Variants in PPP3CA observed in about 807,000 individuals in gnomAD.
The protein encoded by PPP3CA is protein phosphatase 3 catalytic subunit alpha.
In PPP3CA, 14 loss-of-function variants were observed where a neutral mutation model predicts 66.5. The observed-to-expected ratio is 0.21, with a 90% CI of 0.14 to 0.33. PPP3CA has a LOEUF of 0.33. Among genes scored for constraint, PPP3CA ranks in the 10% least tolerant of loss-of-function variants. The pLI is 1.00. For synonymous variants in PPP3CA, 232 were observed against 226.2 expected, an observed-to-expected ratio of 1.03 and a Z score of -0.23; for missense variants, 317 against 639.5, an observed-to-expected ratio of 0.50 and a Z score of 5.44.
At chr4:101,277,808 T>G (rs1403805970) in intron 1 of PPP3CA, among the ~76,000 whole-genome samples, 3 of 152,200 alleles carry the variant, frequency 2.0e-5, no homozygotes, top group Non-Finnish European at 2.9e-5. Flanking sequence ...GTTTTCTACT[T>G]GTCAGTGGTC....
intron 1 of PPP3CA, among the ~76,000 whole-genome samples, chr4:101,278,422 T>G (rs893892670): frequency 6.6e-5 from 10 of 152,042 alleles, no homozygotes; most frequent in African/African-American, 1.9e-4. Flanking sequence ...TCCTCATCAC[T>G]CCCTCTACCA....
intron 1 of PPP3CA, among the ~76,000 whole-genome samples, chr4:101,312,779 T>C (rs1011463506): frequency 1.3e-5 from 2 of 152,168 alleles, no homozygotes; most frequent in African/African-American, 4.8e-5. Context: ...AAATAAAATG[T>C]ATAAAAGACA....
At chr4:101,070,909 T>A (rs1377029123) in intron 8 of PPP3CA, among the ~76,000 whole-genome samples, 1 of 152,234 alleles carries the variant, frequency 6.6e-6, no homozygotes, top group Non-Finnish European at 1.5e-5. Context: ...CTAGCAAATT[T>A]TTTTTTGTTA....
intron 1 of PPP3CA, among the ~76,000 whole-genome samples, chr4:101,259,352 C>A (rs373612490): frequency 2.0e-5 from 3 of 150,912 alleles, no homozygotes; most frequent in Non-Finnish European, 4.4e-5. Context: ...TTCATTCATT[C>A]AGCAAGCAAG....
intron 1 of PPP3CA, among the ~76,000 whole-genome samples, chr4:101,336,037 T>C (rs909993543): frequency 6.7e-6 from 1 of 150,240 alleles, no homozygotes; most frequent in African/African-American, 2.5e-5. Context: ...AAACCCCATC[T>C]CTACTAAAAA....
intron 1 of PPP3CA, among the ~76,000 whole-genome samples, chr4:101,227,868 C>A (rs1366197799): frequency 6.6e-6 from 1 of 151,740 alleles, no homozygotes; most frequent in Non-Finnish European, 1.5e-5. Context: ...CCAGCTCCAT[C>A]CATGTACCCA....
At position 101,108,982 on chromosome 4, in the gene PPP3CA, T is replaced by C. The variant is rs376535772; in HGVS notation, c.356A>G (p.Tyr119Cys). The C allele has an allele frequency of 1.2e-6, 2 of 1,613,776 alleles. No homozygotes were observed. Among genetic ancestry groups the C allele is most frequent in the Non-Finnish European group, 1.7e-6 (2 of 1,179,770 alleles). ...AATACTGAAGTACCCTCTGTCAACA[T>C]AGTCCCCTAAGAAGAGGTAGCGAGT... is the stretch of plus-strand genomic sequence containing the variant. ...ANTRYLFLGD[Y>C]VDRGYFSIEC... The change falls in exon 3 of 14, where the codon TAT becomes TGT. Residue 119 changes from tyrosine to cysteine, a missense_variant. Transcript: ENST00000394854.
At chr4:101,324,139 GGGAAGGAAGGGAGGGAGGAAGGAAGGAA>G (rs1729126768) in intron 1 of PPP3CA, among the ~76,000 whole-genome samples, 5 of 122,728 alleles carry the variant, frequency 4.1e-5, no homozygotes, top group African/African-American at 1.9e-4. Flanking sequence ...AGGGAAGGAA[GGGAAGGAAGGGAGGGAGGAAGGAAGGAA>G]GGAAGGAAGG....
chr4:101,027,297 A>C (rs1726702122), intron 13 of PPP3CA, among the ~76,000 whole-genome samples: 1 of 151,986 alleles, frequency 6.6e-6, no homozygotes, highest in Admixed American at 6.6e-5. Context: ...TCAAGCTGAA[A>C]CTTTACCAGC....
At chr4:101,273,514 A>C (rs1250937432) in intron 1 of PPP3CA, among the ~76,000 whole-genome samples, 4 of 152,176 alleles carry the variant, frequency 2.6e-5, no homozygotes, top group Non-Finnish European at 4.4e-5. Context: ...ATTAGTAGAG[A>C]CAGGGTTTCA....
chr4:101,262,553 G>A (rs961262866), intron 1 of PPP3CA, among the ~76,000 whole-genome samples: 2 of 152,070 alleles, frequency 1.3e-5, no homozygotes, highest in African/African-American at 4.8e-5. Context: ...GGAACCTTAG[G>A]AAGTGGCTAG....
intron 8 of PPP3CA, among the ~76,000 whole-genome samples, chr4:101,079,656 C>A (rs980843516): frequency 6.6e-6 from 1 of 152,340 alleles, no homozygotes; most frequent in Non-Finnish European, 1.5e-5. Context: ...CACACTCGGA[C>A]ATGCTGCCTA....
chr4:101,320,964 C>A (rs921858497), intron 1 of PPP3CA, among the ~76,000 whole-genome samples: 1 of 152,120 alleles, frequency 6.6e-6, no homozygotes, highest in Non-Finnish European at 1.5e-5. Context: ...GGCAGTGAAG[C>A]CACCTAAGAG....
At chr4:101,295,976 T>C (rs1006575804) in intron 1 of PPP3CA, among the ~76,000 whole-genome samples, 1 of 152,246 alleles carries the variant, frequency 6.6e-6, no homozygotes, top group Non-Finnish European at 1.5e-5. Flanking sequence ...TGTTTCCTTC[T>C]GTGCTTTCTT....
intron 2 of PPP3CA, among the ~76,000 whole-genome samples, chr4:101,147,443 T>C (rs562081031): frequency 6.6e-6 from 1 of 152,144 alleles, no homozygotes; most frequent in Non-Finnish European, 1.5e-5. Flanking sequence ...AGGATGCCTT[T>C]TATCTGAGAA....
At chr4:101,144,384 T>G (rs576381468) in intron 2 of PPP3CA, among the ~76,000 whole-genome samples, 1 of 152,280 alleles carries the variant, frequency 6.6e-6, no homozygotes, top group South Asian at 2.1e-4. Context: ...TGGAAAATAG[T>G]ATTGCAAATA....
intron 1 of PPP3CA, among the ~76,000 whole-genome samples, chr4:101,307,969 C>T (rs148901586): frequency 4.7e-4 from 71 of 152,202 alleles, no homozygotes; most frequent in African/African-American, 1.5e-3. Flanking sequence ...ATCTGTTACC[C>T]GAAATAATTA....
intron 1 of PPP3CA, chr4:101,330,511 AT>A (rs1369924350): frequency 2.0e-6 from 1 of 494,054 alleles, no homozygotes; most frequent in Non-Finnish European, 4.1e-6. Context: ...TAAGTGAAGT[AT>A]GTACATTGCT....
intron 1 of PPP3CA, among the ~76,000 whole-genome samples, chr4:101,211,378 A>G (rs1378236172): frequency 1.3e-5 from 2 of 152,196 alleles, no homozygotes; most frequent in African/African-American, 4.8e-5. Context: ...AAAGCCTTAA[A>G]AAAACATTTG....
Sources: gnomAD v4.1 joint callset for allele counts (sites outside exome capture counted in the v4.1 genomes callset) on GRCh38, gnomAD v4.1.1 for gene constraint, MANE v1.5 for transcripts, NCBI Gene and HGNC (gene_info 2026-07-23, HGNC 2026-07-21) for gene names.